Variants in SGCD observed in about 807,000 individuals in gnomAD.
SGCD encodes the protein sarcoglycan delta.
SGCD carries 18 observed loss-of-function variants against 36.6 expected under a neutral mutation model. The ratio of observed to expected loss-of-function variants is 0.49; its 90% CI spans 0.34 to 0.73. SGCD has a LOEUF of 0.73. Ranked by LOEUF, SGCD falls within the 30% of genes least tolerant of loss-of-function variation. SGCD has a pLI of 0.01. For synonymous variants in SGCD, 133 were observed against 130.6 expected, an observed-to-expected ratio of 1.02 and a Z score of -0.12; for missense variants, 387 against 346.7, an observed-to-expected ratio of 1.12 and a Z score of -0.92.
chr5:156,302,301 C>A (rs957522646), intron 3 of SGCD, among the ~76,000 whole-genome samples: 2 of 151,998 alleles, frequency 1.3e-5, no homozygotes, highest in African/African-American at 4.8e-5. Context: ...TGTTGAGAGA[C>A]TGATGCATTC....
At chr5:156,143,490 C>T (rs1404776330) in intron 3 of SGCD, among the ~76,000 whole-genome samples, 15 of 152,252 alleles carry the variant, frequency 9.9e-5, no homozygotes, top group East Asian at 1.9e-4. Context: ...CAGCTTTCAC[C>T]GTGTTCCTGG....
chr5:156,541,874 C>T (rs893380150), intron 4 of SGCD, among the ~76,000 whole-genome samples: 6 of 152,188 alleles, frequency 3.9e-5, no homozygotes, highest in African/African-American at 9.6e-5. Flanking sequence ...TGAGACTGAT[C>T]TCCAAAGTCT....
At chr5:155,773,770 G>A in the SGCD span, among the ~76,000 whole-genome samples, 3 of 152,120 alleles carry the variant, frequency 2.0e-5, no homozygotes, top group Admixed American at 2.0e-4. Context: ...GAGTATTTAA[G>A]GTTTAGTGCC....
intron 1 of SGCD, among the ~76,000 whole-genome samples, chr5:156,047,160 A>G (rs970349566): frequency 2.6e-5 from 4 of 152,186 alleles, no homozygotes; most frequent in African/African-American, 9.6e-5. Flanking sequence ...GCTGCAGAAG[A>G]AAAGTTGGAA....
intron 4 of SGCD, among the ~76,000 whole-genome samples, chr5:156,526,660 A>G (rs1472000089): frequency 6.6e-6 from 1 of 152,204 alleles, no homozygotes; most frequent in East Asian, 1.9e-4. Context: ...CATCTGTACT[A>G]TGAAGCCAAT....
At chr5:155,980,187 T>A (rs887286076) in intron 1 of SGCD, among the ~76,000 whole-genome samples, 2 of 152,142 alleles carry the variant, frequency 1.3e-5, no homozygotes, top group Non-Finnish European at 2.9e-5. Context: ...ATTTTTGTTG[T>A]TTATAAAGCA....
intron 3 of SGCD, among the ~76,000 whole-genome samples, chr5:156,504,459 C>T (rs1256610282): frequency 1.4e-5 from 2 of 145,054 alleles, no homozygotes; most frequent in South Asian, 2.2e-4. Flanking sequence ...AGTTATTTTT[C>T]AGTGGGCTCA....
chr5:155,931,923 C>A (rs1757104273), intron 1 of SGCD, among the ~76,000 whole-genome samples: 1 of 152,140 alleles, frequency 6.6e-6, no homozygotes, highest in Admixed American at 6.6e-5. Context: ...GATCAGGTTC[C>A]ACTTTCTGGT....
At chr5:156,231,752 A>G (rs1361539008) in intron 3 of SGCD, among the ~76,000 whole-genome samples, 2 of 152,190 alleles carry the variant, frequency 1.3e-5, no homozygotes, top group Non-Finnish European at 2.9e-5. Context: ...GTGGTTATCC[A>G]AGCTGTAGAC....
intron 3 of SGCD, among the ~76,000 whole-genome samples, chr5:156,318,897 C>T (rs1375748151): frequency 6.6e-6 from 1 of 152,120 alleles, no homozygotes; most frequent in African/African-American, 2.4e-5. Flanking sequence ...CATTTGGCCT[C>T]TTGGATGACC....
At chr5:156,482,936 G>A (rs1212182055) in intron 3 of SGCD, among the ~76,000 whole-genome samples, 1 of 149,502 alleles carries the variant, frequency 6.7e-6, no homozygotes, top group Non-Finnish European at 1.5e-5. Context: ...TTGTTGCACA[G>A]GACAGTCCTG....
intron 1 of SGCD, among the ~76,000 whole-genome samples, chr5:156,089,091 T>C (rs921625630): frequency 1.6e-4 from 24 of 152,308 alleles, no homozygotes; most frequent in Admixed American, 1.2e-3. Flanking sequence ...AAAGAGCAAA[T>C]TGCCACATAG....
intron 7 of SGCD, among the ~76,000 whole-genome samples, chr5:156,655,995 T>G (rs950829391): frequency 1.3e-5 from 2 of 152,274 alleles, no homozygotes; most frequent in African/African-American, 4.8e-5. Flanking sequence ...AGTTTCCTTG[T>G]AGGATTCTGA....
At chr5:155,989,033 G>A (rs1190291721) in intron 1 of SGCD, among the ~76,000 whole-genome samples, 1 of 152,128 alleles carries the variant, frequency 6.6e-6, no homozygotes, top group Non-Finnish European at 1.5e-5. Context: ...TGTCTGCCAG[G>A]ATGCTCCTTT....
chr5:156,195,000 A>G (rs1281342026), intron 3 of SGCD, among the ~76,000 whole-genome samples: 1 of 152,194 alleles, frequency 6.6e-6, no homozygotes, highest in African/African-American at 2.4e-5. Context: ...ATAGTCATCA[A>G]GTTATGGGGA....
intron 3 of SGCD, among the ~76,000 whole-genome samples, chr5:156,486,076 A>G (rs966839576): frequency 6.6e-6 from 1 of 152,104 alleles, no homozygotes; most frequent in Non-Finnish European, 1.5e-5. Context: ...CAACTGTAGC[A>G]TGATGCCATT....
chr5:155,801,539 A>G, the SGCD span, among the ~76,000 whole-genome samples: 7 of 152,264 alleles, frequency 4.6e-5, no homozygotes, highest in South Asian at 1.0e-3. Flanking sequence ...TGGGACTTCA[A>G]TAGATTCTGA....
chr5:156,293,444 T>C (rs963590577), intron 3 of SGCD, among the ~76,000 whole-genome samples: 3 of 152,180 alleles, frequency 2.0e-5, no homozygotes, highest in Admixed American at 6.6e-5. Context: ...AAGAGTTTTA[T>C]AGCTTTAGCT....
rs1210728133 is a variant in SGCD at position 156,766,200 on chromosome 5, T to C, written c.*6810T>C. 1 of 152,202 alleles carries C rather than the reference T, an allele frequency of 6.6e-6. No homozygotes were observed. The highest frequency in any genetic ancestry group is 1.5e-5 in the Non-Finnish European group (1 of 68,028). The allele number at this position is 152,202 out of a possible 1,614,324, so 9.4% of individuals were successfully genotyped here. ...CTTCAAAAGACAAATATCTTACTTTTGATCTTTGACACTATTTGGTCAGTA... is the reference window on the plus strand; with the variant it reads ...CTTCAAAAGACAAATATCTTACTTTCGATCTTTGACACTATTTGGTCAGTA... On this transcript the variant is annotated 3_prime_UTR_variant, in exon 9 of 9. Coordinates refer to ENST00000337851, the MANE Select transcript of SGCD (RefSeq NM_000337.6).
Sources: allele counts gnomAD v4.1 joint callset (sites outside exome capture counted in the v4.1 genomes callset), GRCh38; gene constraint gnomAD v4.1.1; transcripts MANE v1.5; gene names NCBI Gene and HGNC (gene_info 2026-07-23, HGNC 2026-07-21).